The following POMK variants were observed in gnomAD, a reference collection of about 807,000 sequenced individuals.
The protein encoded by POMK is protein O-mannose kinase.
Under a neutral mutation model 23.0 loss-of-function variants are expected in POMK, and 19 were observed. That is an observed-to-expected ratio of 0.83 (90% CI 0.58 to 1.21). The LOEUF is 1.21. Among genes scored for constraint, POMK ranks in the 50% most tolerant of loss-of-function variants. The probability of loss-of-function intolerance (pLI) is 0.00; values close to 1 mark genes in which losing one functional copy is unlikely to be tolerated. For missense variants in POMK, 410 were observed against 431.3 expected (o/e 0.95, Z 0.44); for synonymous variants, 173 against 171.6 (o/e 1.01, Z -0.06).
At chr8:43,118,183 C>T (rs1262196888) in intron 4 of POMK, among the ~76,000 whole-genome samples, 7 of 152,000 alleles carry the variant, frequency 4.6e-5, no homozygotes, top group Non-Finnish European at 1.0e-4. Flanking sequence ...ACTGGAAATA[C>T]ACAAGTGTAG....
chr8:43,100,649 C>T (rs865911180), intron 2 of POMK, among the ~76,000 whole-genome samples: 13 of 151,816 alleles, frequency 8.6e-5, no homozygotes, highest in Middle Eastern at 6.8e-3. Flanking sequence ...TAATAAAGGT[C>T]TGGGTAGTTG....
At chr8:43,112,349 T>C (rs574919010) in intron 4 of POMK, among the ~76,000 whole-genome samples, 47 of 152,076 alleles carry the variant, frequency 3.1e-4, no homozygotes, top group Admixed American at 6.5e-4. Flanking sequence ...AAATGAAGCG[T>C]GAAGAGAAGT....
Position 43,103,770 on chromosome 8 carries a change from C to CGAG in POMK, c.226_228dup (p.Glu76dup). 4 of 1,614,190 alleles carry CGAG rather than the reference C, an allele frequency of 2.5e-6. No homozygotes were observed. Among genetic ancestry groups the CGAG allele is most frequent in the Non-Finnish European group, 3.4e-6 (4 of 1,180,028 alleles). On this transcript the variant is annotated inframe_insertion, in exon 4 of 5. Coordinates refer to ENST00000331373, the MANE Select transcript of POMK (RefSeq NM_032237.5). The stretch of plus-strand genomic sequence containing the variant: ...AAAACTGCTCACCTTGGCTGTCCTG[C>CGAG]GAGGAGCTGAGAACAGAAGTGAGAC...
intron 2 of POMK, among the ~76,000 whole-genome samples, chr8:43,100,571 T>G (rs1586670233): frequency 2.1e-5 from 3 of 144,214 alleles, no homozygotes; most frequent in East Asian, 2.1e-4. Flanking sequence ...GGAGGGGAGG[T>G]GGTTGAAGGA....
intron 4 of POMK, among the ~76,000 whole-genome samples, chr8:43,114,697 C>T (rs891261174): frequency 3.3e-5 from 5 of 152,262 alleles, no homozygotes; most frequent in African/African-American, 1.2e-4. Flanking sequence ...CACCTGTCTT[C>T]TGCGTCGCTC....
At chr8:43,104,618 T>C (rs1364767326) in intron 4 of POMK, among the ~76,000 whole-genome samples, 1 of 152,162 alleles carries the variant, frequency 6.6e-6, no homozygotes, top group Non-Finnish European at 1.5e-5. Flanking sequence ...TATAATTGAC[T>C]TTTCAACTGT....
intron 4 of POMK, among the ~76,000 whole-genome samples, chr8:43,119,212 G>C (rs1355746109): frequency 6.6e-6 from 1 of 152,126 alleles, no homozygotes; most frequent in Non-Finnish European, 1.5e-5. Flanking sequence ...CAGTTCTGGT[G>C]GTGACCATGC....
At chr8:43,116,944 G>T (rs1300258356) in intron 4 of POMK, among the ~76,000 whole-genome samples, 1 of 152,064 alleles carries the variant, frequency 6.6e-6, no homozygotes, top group Admixed American at 6.6e-5. Context: ...ATAAGATTTG[G>T]GTAGGTAAAG....
intron 4 of POMK, among the ~76,000 whole-genome samples, chr8:43,116,850 A>C (rs1219837670): frequency 3.9e-5 from 6 of 152,246 alleles, no homozygotes. Context: ...TTGTGTGAGC[A>C]ATAAAGCATT....
intron 4 of POMK, among the ~76,000 whole-genome samples, chr8:43,104,115 T>C (rs911748285): frequency 6.6e-5 from 10 of 152,048 alleles, no homozygotes; most frequent in African/African-American, 1.9e-4. Context: ...CTCAATAATC[T>C]TACATCTGGC....
chr8:43,112,056 A>G (rs1432341672), intron 4 of POMK, among the ~76,000 whole-genome samples: 1 of 152,140 alleles, frequency 6.6e-6, no homozygotes, highest in Non-Finnish European at 1.5e-5. Flanking sequence ...AATGGAACAA[A>G]ACTGGACGGA....
At position 43,123,056 on chromosome 8, in the gene POMK, G is replaced by T. The variant is rs891375360; in HGVS notation, c.*179G>T. Reference sequence around the variant, plus strand: ...TGTATGTAGTCCACATTGGTTGTTAGATTTTTTTTTTTTTCTTTGAGATGC... The same window carrying T: ...TGTATGTAGTCCACATTGGTTGTTATATTTTTTTTTTTTTCTTTGAGATGC... On this transcript the variant is annotated 3_prime_UTR_variant, in exon 5 of 5. Coordinates refer to ENST00000331373, the MANE Select transcript of POMK (RefSeq NM_032237.5). 2.4e-5 allele frequency: 14 copies of T among 588,462 alleles called. No homozygotes were observed. The African/African-American group carries it at 2.7e-4, about 11-fold the overall frequency. 36.5% of individuals were successfully genotyped at this position (588,462 alleles called of 1,614,324 possible).
At chr8:43,106,217 A>C (rs1419266438) in intron 4 of POMK, among the ~76,000 whole-genome samples, 1 of 151,760 alleles carries the variant, frequency 6.6e-6, no homozygotes, top group Non-Finnish European at 1.5e-5. Context: ...TCTCATTGTG[A>C]TTTTGGTTTG....
In POMK at chr8:43,121,046, CT is replaced by C. The variant is rs1305356912; in HGVS notation, c.283-1057del. 4.6e-5 allele frequency among the ~76,000 whole-genome samples: 7 copies of C among 152,320 alleles called. No individual in the cohort carries two copies. In the East Asian group the frequency reaches 1.3e-3, roughly 29 times the overall value. On this transcript the variant is annotated intron_variant, in intron 4 of 4. Coordinates refer to ENST00000331373, the MANE Select transcript of POMK (RefSeq NM_032237.5). ...ACTATGTTGATCATGCTGCTCCCAT[CT>C]TTTGATAAGTTTCAGTGTATGCTTT...
intron 2 of POMK, among the ~76,000 whole-genome samples, chr8:43,099,364 A>G (rs1811393958): frequency 6.6e-6 from 1 of 152,192 alleles, no homozygotes; most frequent in Non-Finnish European, 1.5e-5. Context: ...GAGGCTGGGA[A>G]TGGAGTTTTA....
chr8:43,123,027 C>T lies in POMK; in HGVS notation c.*150C>T, dbSNP rs932787760. ...GGTTCGTTGTCCACATCCACATGTA[C>T]GTTTGTATGTAGTCCACATTGGTTG... On this transcript the variant is annotated 3_prime_UTR_variant, in exon 5 of 5. Coordinates refer to ENST00000331373, the MANE Select transcript of POMK (RefSeq NM_032237.5). 7.6e-6 allele frequency: 5 copies of T among 658,396 alleles called. No individual in the cohort carries two copies. Among genetic ancestry groups the T allele is most frequent in the Middle Eastern group, 4.2e-4 (1 of 2,380 alleles). 40.8% of individuals were successfully genotyped at this position (658,396 alleles called of 1,614,324 possible).
chr8:43,109,724 G>C (rs995109422), intron 4 of POMK, among the ~76,000 whole-genome samples: 1 of 151,770 alleles, frequency 6.6e-6, no homozygotes, highest in Non-Finnish European at 1.5e-5. Context: ...TGTATTTTTA[G>C]TAGAGACAGG....
At chr8:43,111,281 A>T (rs1811654863) in intron 4 of POMK, among the ~76,000 whole-genome samples, 1 of 152,184 alleles carries the variant, frequency 6.6e-6, no homozygotes, top group African/African-American at 2.4e-5. Context: ...TATATCCTGC[A>T]CCTGGCTCGG....
At chr8:43,114,780 C>G (rs920906409) in intron 4 of POMK, among the ~76,000 whole-genome samples, 3 of 152,110 alleles carry the variant, frequency 2.0e-5, no homozygotes, top group African/African-American at 7.2e-5. Context: ...GATTTTTAAA[C>G]CCAAGATTAC....
Sources: allele counts gnomAD v4.1 joint callset (sites outside exome capture counted in the v4.1 genomes callset), GRCh38; gene constraint gnomAD v4.1.1; transcripts MANE v1.5; gene names NCBI Gene and HGNC (gene_info 2026-07-23, HGNC 2026-07-21).